CTXND1: variants seen among roughly 807,000 people sequenced by gnomAD.
The protein encoded by CTXND1 is cortexin domain containing 1, also known as cortexin domain-containing 1 protein.
chr15:80,247,916 T>C (rs2141467191), intron 1 of CTXND1, among the ~76,000 whole-genome samples: 1 of 152,300 alleles, frequency 6.6e-6, no homozygotes, highest in East Asian at 1.9e-4. Context: ...AGGTCACTAC[T>C]TGGGAGCTGA....
chr15:80,224,473 A>G (rs1595907068), intron 1 of CTXND1, among the ~76,000 whole-genome samples: 1 of 152,194 alleles, frequency 6.6e-6, no homozygotes, highest in South Asian at 2.1e-4. Context: ...TTCTAACTCT[A>G]TTTAAGTCTT....
At position 80,196,482 on chromosome 15, in the gene CTXND1, C is replaced by A. The variant is rs1404973156; in HGVS notation, c.*5288G>T. On this transcript the variant is annotated 3_prime_UTR_variant, in exon 3 of 3. Transcript: ENST00000560778. ...AGACTGCAGTTACCACTCTGGGCCT[C>A]ATGACCAGCCACAGAAGGGGGCACT... The A allele has an allele frequency of 6.6e-6, 1 of 152,180 alleles. No homozygotes were observed. The highest frequency in any genetic ancestry group is 2.4e-5 in the African/African-American group (1 of 41,424). 9.4% of individuals were successfully genotyped at this position (152,180 alleles called of 1,614,324 possible).
chr15:80,233,219 G>A (rs1466733345), intron 1 of CTXND1, among the ~76,000 whole-genome samples: 3 of 152,114 alleles, frequency 2.0e-5, no homozygotes, highest in South Asian at 2.1e-4. Context: ...GATTACAGGC[G>A]TGAGGCACTG....
intron 1 of CTXND1, among the ~76,000 whole-genome samples, chr15:80,232,925 C>T (rs893591180): frequency 2.3e-4 from 34 of 148,512 alleles, no homozygotes; most frequent in Admixed American, 1.7e-3. Context: ...TGATATTAGA[C>T]GAAAAATGCA....
chr15:80,238,721 C>A (rs1049558390), intron 1 of CTXND1, among the ~76,000 whole-genome samples: 1 of 152,140 alleles, frequency 6.6e-6, no homozygotes, highest in African/African-American at 2.4e-5. Flanking sequence ...GTGATCCACC[C>A]GCCTTGGCCT....
chr15:80,241,555 G>A (rs538675017), intron 1 of CTXND1, among the ~76,000 whole-genome samples: 5 of 152,342 alleles, frequency 3.3e-5, no homozygotes, highest in African/African-American at 1.2e-4. Context: ...GGCTTCAGCT[G>A]CCATGAGGGC....
At chr15:80,222,457 A>G (rs992263321) in intron 1 of CTXND1, among the ~76,000 whole-genome samples, 2 of 152,200 alleles carry the variant, frequency 1.3e-5, no homozygotes, top group African/African-American at 4.8e-5. Flanking sequence ...TACTTCTATC[A>G]TAACCAACAA....
chr15:80,245,541 C>A (rs911449015), intron 1 of CTXND1, among the ~76,000 whole-genome samples: 1 of 152,108 alleles, frequency 6.6e-6, no homozygotes, highest in Non-Finnish European at 1.5e-5. Flanking sequence ...GCAGAAGCCA[C>A]GTGGCCTTTT....
chr15:80,215,175 T>A (rs1316010823), intron 1 of CTXND1, among the ~76,000 whole-genome samples: 1 of 152,208 alleles, frequency 6.6e-6, no homozygotes, highest in Non-Finnish European at 1.5e-5. Context: ...CAAGGCCAAG[T>A]CCATGAAGCC....
At chr15:80,237,820 C>A (rs1893518682) in intron 1 of CTXND1, among the ~76,000 whole-genome samples, 1 of 151,916 alleles carries the variant, frequency 6.6e-6, no homozygotes, top group Admixed American at 6.6e-5. Context: ...ACCAGCCTGG[C>A]CAACATGGCA....
intron 1 of CTXND1, among the ~76,000 whole-genome samples, chr15:80,239,136 C>G (rs1005749868): frequency 6.6e-6 from 1 of 152,168 alleles, no homozygotes; most frequent in African/African-American, 2.4e-5. Context: ...CACCTACTCA[C>G]GCCAGCCCTG....
intron 1 of CTXND1, among the ~76,000 whole-genome samples, chr15:80,220,345 A>G (rs139270904): frequency 6.6e-6 from 1 of 152,340 alleles, no homozygotes; most frequent in East Asian, 1.9e-4. Flanking sequence ...AGGGATTTGT[A>G]ATGCCACTTC....
At chr15:80,231,856 T>A (rs1893435393) in intron 1 of CTXND1, among the ~76,000 whole-genome samples, 1 of 152,218 alleles carries the variant, frequency 6.6e-6, no homozygotes, top group South Asian at 2.1e-4. Context: ...TATCTGTGCA[T>A]AATTTATGTT....
In CTXND1 at chr15:80,218,865, T is replaced by C. The variant is rs1046282997; in HGVS notation, c.-217-15125A>G. On this transcript the variant is annotated intron_variant, in intron 1 of 2. Transcript: ENST00000560778. The stretch of plus-strand genomic sequence containing the variant: ...CTCCTGAAGTTGTGGATCATTCCTA[T>C]GCATATTTTTATATTTTTATTATAT... Among the ~76,000 whole-genome samples, 41 of 152,052 alleles carry C rather than the reference T, an allele frequency of 2.7e-4. 1 individual carries two copies. The highest frequency in any genetic ancestry group is 9.6e-4 in the African/African-American group (40 of 41,524).
intron 1 of CTXND1, among the ~76,000 whole-genome samples, chr15:80,236,076 CA>C (rs1893492104): frequency 6.7e-6 from 1 of 149,330 alleles, no homozygotes; most frequent in African/African-American, 2.5e-5. Flanking sequence ...CTTGATGGAA[CA>C]GGGTGGGGAA....
rs1055288399 is a variant in CTXND1, at chr15:80,200,570, T to C, written c.*1200A>G. On this transcript the variant is annotated 3_prime_UTR_variant, in exon 3 of 3. Transcript: ENST00000560778. ...CTTCCTTGCCCCCCAACTCCGACTATAGCACATTCATAGTATATTCACTCC... is the reference window on the plus strand; with the variant it reads ...CTTCCTTGCCCCCCAACTCCGACTACAGCACATTCATAGTATATTCACTCC... The C allele has an allele frequency of 2.0e-5, 3 of 152,204 alleles. No homozygotes were observed. Among genetic ancestry groups the C allele is most frequent in the African/African-American group, 7.2e-5 (3 of 41,436 alleles). 9.4% of individuals were successfully genotyped at this position (152,204 alleles called of 1,614,324 possible).
At chr15:80,243,648 A>G (rs931019260) in intron 1 of CTXND1, among the ~76,000 whole-genome samples, 1 of 152,162 alleles carries the variant, frequency 6.6e-6, no homozygotes, top group African/African-American at 2.4e-5. Flanking sequence ...ATGCAAAGCC[A>G]TCTTTCTCCT....
At position 80,207,775 on chromosome 15, in the gene CTXND1, A is replaced by C. The variant is rs1341279586; in HGVS notation, c.-217-4035T>G. On this transcript the variant is annotated intron_variant, in intron 1 of 2. Coordinates refer to ENST00000560778, the MANE Select transcript of CTXND1 (RefSeq NM_001352888.2). ...AGCCCACTTCAGGTGGGGTTCACTT[A>C]TTGTAAACAAGGCTGTGTCTATCTT... Among the ~76,000 whole-genome samples the C allele has an allele frequency of 3.9e-5, 6 of 152,210 alleles. 1 individual carries two copies. Among genetic ancestry groups the C allele is most frequent in the Admixed American group, 3.3e-4 (5 of 15,286 alleles).
intron 1 of CTXND1, among the ~76,000 whole-genome samples, chr15:80,225,492 G>T (rs774430486): frequency 6.6e-6 from 1 of 151,944 alleles, no homozygotes; most frequent in Non-Finnish European, 1.5e-5. Flanking sequence ...TACAGATAGC[G>T]AATCTTATGG....
Sources: gnomAD v4.1 joint callset for allele counts (sites outside exome capture counted in the v4.1 genomes callset) on GRCh38, gnomAD v4.1.1 for gene constraint, MANE v1.5 for transcripts, NCBI Gene and HGNC (gene_info 2026-07-23, HGNC 2026-07-21) for gene names.